Variants in DRC11 observed in about 807,000 individuals in gnomAD.
DRC11 encodes the protein IQ and AAA domain-containing protein 1.
the DRC11 span, among the ~76,000 whole-genome samples, chr2:236,491,159 GTATATA>G: frequency 1.5e-3 from 60 of 40,332 alleles, no homozygotes; most frequent in African/African-American, 6.6e-3. Context: ...TATACACACA[GTATATA>G]TATATATATA....
the DRC11 span, chr2:236,497,356 T>C: frequency 6.2e-7 from 1 of 1,613,970 alleles, no homozygotes; most frequent in African/African-American, 1.3e-5. This position sits in a 1 kb window ranked among gnomAD's most constrained non-coding sequence, Gnocchi z 5.1. Context: ...CTGCACATAC[T>C]TTACGTAGAA....
chr2:236,391,895 C>T, the DRC11 span: 5 of 1,214,918 alleles, frequency 4.1e-6, no homozygotes, highest in South Asian at 6.2e-5. The surrounding 1 kb of genome is among the most constrained non-coding windows in gnomAD (Gnocchi z 4.5). Context: ...CCCTCCTGGA[C>T]ATGCCACAGC....
the DRC11 span, among the ~76,000 whole-genome samples, chr2:236,394,989 G>T: frequency 6.6e-6 from 1 of 152,220 alleles, no homozygotes; most frequent in Non-Finnish European, 1.5e-5. The surrounding 1 kb of genome is among the most constrained non-coding windows in gnomAD (Gnocchi z 7.0). Flanking sequence ...ATTTCTTTCA[G>T]AATGGCTAAT....
At chr2:236,478,279 T>C in the DRC11 span, among the ~76,000 whole-genome samples, 3 of 152,210 alleles carry the variant, frequency 2.0e-5, no homozygotes, top group Admixed American at 2.0e-4. This position sits in a 1 kb window ranked among gnomAD's most constrained non-coding sequence, Gnocchi z 5.9. Flanking sequence ...TTTTAAAATT[T>C]TCCTCTTAAT....
chr2:236,490,787 T>C, the DRC11 span, among the ~76,000 whole-genome samples: 3 of 151,618 alleles, frequency 2.0e-5, no homozygotes, highest in Admixed American at 6.6e-5. The surrounding 1 kb of genome is among the most constrained non-coding windows in gnomAD (Gnocchi z 5.5). Context: ...GTTATATATA[T>C]TGTGTGTGTG....
At chr2:236,395,348 T>C in the DRC11 span, among the ~76,000 whole-genome samples, 1 of 152,192 alleles carries the variant, frequency 6.6e-6, no homozygotes, top group Non-Finnish European at 1.5e-5. Context: ...ACATAATCCT[T>C]TCCAGTGAGA....
At chr2:236,472,474 T>C in the DRC11 span, among the ~76,000 whole-genome samples, 1 of 152,254 alleles carries the variant, frequency 6.6e-6, no homozygotes, top group Non-Finnish European at 1.5e-5. This position sits in a 1 kb window ranked among gnomAD's most constrained non-coding sequence, Gnocchi z 4.6. Context: ...GTTTTATAGT[T>C]GAAACTCAGT....
At chr2:236,444,305 T>A in the DRC11 span, among the ~76,000 whole-genome samples, 1 of 152,242 alleles carries the variant, frequency 6.6e-6, no homozygotes, top group Non-Finnish European at 1.5e-5. Flanking sequence ...TTAAATAAAA[T>A]TATTTTTAAA....
chr2:236,476,135 C>G, the DRC11 span, among the ~76,000 whole-genome samples: 2 of 152,020 alleles, frequency 1.3e-5, no homozygotes, highest in Non-Finnish European at 1.5e-5. The surrounding 1 kb of genome is among the most constrained non-coding windows in gnomAD (Gnocchi z 4.7). Flanking sequence ...AGAGATTGCA[C>G]TAAATCTGTA....
chr2:236,469,268 C>T, the DRC11 span, among the ~76,000 whole-genome samples: 146 of 152,284 alleles, frequency 9.6e-4, no homozygotes, highest in African/African-American at 3.2e-3. This position sits in a 1 kb window ranked among gnomAD's most constrained non-coding sequence, Gnocchi z 5.8. Flanking sequence ...TGCAGTGGCG[C>T]GATCTCAGCT....
At chr2:236,308,203 T>C in the DRC11 span, among the ~76,000 whole-genome samples, 8 of 152,212 alleles carry the variant, frequency 5.3e-5, no homozygotes, top group Non-Finnish European at 1.2e-4. This position sits in a 1 kb window ranked among gnomAD's most constrained non-coding sequence, Gnocchi z 6.0. Flanking sequence ...ATTCAGAAAA[T>C]GTCTCCAACC....
At chr2:236,357,525 T>C in the DRC11 span, among the ~76,000 whole-genome samples, 1 of 127,606 alleles carries the variant, frequency 7.8e-6, no homozygotes, top group South Asian at 2.3e-4. Context: ...TATATTTATA[T>C]ATTATGAATA....
the DRC11 span, among the ~76,000 whole-genome samples, chr2:236,505,009 A>G: frequency 6.6e-6 from 1 of 152,262 alleles, no homozygotes; most frequent in Admixed American, 6.5e-5. Flanking sequence ...TACAGATGGA[A>G]CAACAGGTGT....
the DRC11 span, among the ~76,000 whole-genome samples, chr2:236,422,046 G>C: frequency 6.6e-6 from 1 of 152,268 alleles, no homozygotes; most frequent in South Asian, 2.1e-4. Flanking sequence ...AGGTATCGAT[G>C]GGACGTATTT....
chr2:236,351,314 T>A, the DRC11 span, among the ~76,000 whole-genome samples: 1 of 149,974 alleles, frequency 6.7e-6, no homozygotes, highest in Non-Finnish European at 1.5e-5. The surrounding 1 kb of genome is among the most constrained non-coding windows in gnomAD (Gnocchi z 7.3). Flanking sequence ...GTGGGAGAAG[T>A]GGGCGGGTGG....
At chr2:236,337,133 C>T in the DRC11 span, among the ~76,000 whole-genome samples, 39 of 152,332 alleles carry the variant, frequency 2.6e-4, no homozygotes, top group East Asian at 7.5e-3. This position sits in a 1 kb window ranked among gnomAD's most constrained non-coding sequence, Gnocchi z 4.9. Context: ...GGTATCCACA[C>T]TGTCCAGTCT....
At chr2:236,326,134 T>C in the DRC11 span, among the ~76,000 whole-genome samples, 1 of 152,340 alleles carries the variant, frequency 6.6e-6, no homozygotes, top group Admixed American at 6.5e-5. Flanking sequence ...CAACAATATA[T>C]CTAGGTATAG....
At chr2:236,380,548 C>T in the DRC11 span, 4 of 1,546,500 alleles carry the variant, frequency 2.6e-6, no homozygotes, top group Non-Finnish European at 3.5e-6. The surrounding 1 kb of genome is among the most constrained non-coding windows in gnomAD (Gnocchi z 4.9). Flanking sequence ...CGCATCACAA[C>T]ACAACGAGTC....
chr2:236,447,285 C>T, the DRC11 span, among the ~76,000 whole-genome samples: 27 of 151,706 alleles, frequency 1.8e-4, 1 homozygote, highest in Non-Finnish European at 3.1e-4. This position sits in a 1 kb window ranked among gnomAD's most constrained non-coding sequence, Gnocchi z 4.6. Flanking sequence ...CTGGCAGAGA[C>T]GCGGTCATGC....
Sources: allele counts gnomAD v4.1 joint callset (sites outside exome capture counted in the v4.1 genomes callset), GRCh38; gene constraint gnomAD v4.1.1; non-coding constraint Gnocchi (gnomAD v3.1); transcripts MANE v1.5; gene names NCBI Gene and HGNC (gene_info 2026-07-23, HGNC 2026-07-21).